TCF20: variants seen among roughly 807,000 people sequenced by gnomAD.
The protein encoded by TCF20 is transcription factor 20, also known as SPRE-binding protein.
TCF20 carries 3 observed loss-of-function variants against 148.6 expected under a neutral mutation model. The ratio of observed to expected loss-of-function variants is 0.02; its 90% CI spans 0.01 to 0.05. The LOEUF (loss-of-function observed/expected upper bound fraction) is 0.05, where lower values mean the gene tolerates loss of function less well. TCF20 is among the 10% of genes least tolerant of loss of function. The pLI, the probability that TCF20 is intolerant of heterozygous loss-of-function variation, is 1.00. For synonymous variants in TCF20, 1,049 were observed against 909.5 expected, an observed-to-expected ratio of 1.15 and a Z score of -2.76; for missense variants, 2,350 against 2,429.3, an observed-to-expected ratio of 0.97 and a Z score of 0.69.
At chr22:42,267,478 G>A (rs1179011703) in intron 1 of TCF20, among the ~76,000 whole-genome samples, 2 of 152,120 alleles carry the variant, frequency 1.3e-5, no homozygotes, top group African/African-American at 4.8e-5. Flanking sequence ...CAAGGCGGGT[G>A]GATCATGAGG....
chr22:42,305,068 G>A (rs915097216), intron 1 of TCF20, among the ~76,000 whole-genome samples: 6 of 151,958 alleles, frequency 3.9e-5, no homozygotes, highest in Admixed American at 1.3e-4. Context: ...CTCCCTGGTC[G>A]CCCATGGGAG....
At chr22:42,306,084 G>A (rs1169558739) in intron 1 of TCF20, among the ~76,000 whole-genome samples, 1 of 152,244 alleles carries the variant, frequency 6.6e-6, no homozygotes, top group Non-Finnish European at 1.5e-5. Flanking sequence ...CTCTGCGAGG[G>A]GGCACCGCAG....
intron 1 of TCF20, among the ~76,000 whole-genome samples, chr22:42,320,758 C>T (rs925246371): frequency 2.6e-5 from 4 of 152,220 alleles, no homozygotes; most frequent in African/African-American, 4.8e-5. Flanking sequence ...CATCCCAAGC[C>T]GGGAATCCCC....
intron 1 of TCF20, among the ~76,000 whole-genome samples, chr22:42,281,046 C>T (rs959109471): frequency 5.9e-5 from 9 of 152,076 alleles, no homozygotes; most frequent in Admixed American, 5.9e-4. Context: ...CTAGCCACCC[C>T]AGTCTCCCAC....
chr22:42,313,746 T>G (rs1927579105), intron 1 of TCF20, among the ~76,000 whole-genome samples: 1 of 152,020 alleles, frequency 6.6e-6, no homozygotes, highest in African/African-American at 2.4e-5. Flanking sequence ...ATTACACAAG[T>G]GTGCCACCAC....
upstream of TCF20, among the ~76,000 whole-genome samples, chr22:42,284,905 T>C (rs80080928): frequency 0.018 from 2,803 of 152,278 alleles, 95 homozygotes; most frequent in African/African-American, 0.064. Flanking sequence ...CCAGGAAGCA[T>C]TGGGACACAA....
intron 1 of TCF20, among the ~76,000 whole-genome samples, chr22:42,296,394 C>T (rs963500776): frequency 2.6e-5 from 4 of 152,250 alleles, no homozygotes; most frequent in African/African-American, 9.6e-5. Context: ...AAACCTGCAA[C>T]GGCGCCAACT....
Position 42,317,416 on chromosome 22 carries a change from G to A in TCF20, c.-37+26063C>T, listed in dbSNP as rs1265446046. Among the ~76,000 whole-genome samples, 2 of 152,142 alleles carry A rather than the reference G, an allele frequency of 1.3e-5. No individual in the cohort carries two copies. Among genetic ancestry groups the A allele is most frequent in the Non-Finnish European group, 2.9e-5 (2 of 68,028 alleles). On this transcript the variant is annotated intron_variant, in intron 1 of 1. Coordinates refer to the TCF20 transcript ENST00000515426. The surrounding 1 kb of genome is among the most constrained non-coding windows in gnomAD (Gnocchi z 4.2). Reference sequence around the variant, plus strand: ...GGGCGGCGCTGGGTGACGGAGCTTCGATTTAAACACAGATGACGGAAAATC... The same window carrying A: ...GGGCGGCGCTGGGTGACGGAGCTTCAATTTAAACACAGATGACGGAAAATC...
chr22:42,306,646 T>C (rs1276738983), intron 1 of TCF20, among the ~76,000 whole-genome samples: 2 of 152,070 alleles, frequency 1.3e-5, no homozygotes, highest in South Asian at 2.1e-4. Flanking sequence ...CTGTGCTGGG[T>C]GCCTTCGCCT....
intron 3 of TCF20, among the ~76,000 whole-genome samples, chr22:42,173,380 G>C (rs963744389): frequency 5.9e-5 from 9 of 151,996 alleles, no homozygotes; most frequent in Non-Finnish European, 1.2e-4. Context: ...AACATCAGGT[G>C]GGGGGGAAGG....
chr22:42,210,318 C>G lies in TCF20; in HGVS notation c.4988G>C (p.Gly1663Ala). 6.2e-7 allele frequency: 1 copy of G among 1,614,162 alleles called. No individual in the cohort carries two copies. Among genetic ancestry groups the G allele is most frequent in the Non-Finnish European group, 8.5e-7 (1 of 1,180,022 alleles). ...EEEEQTKLVR[G>A]RKGQRSLTPP... is the part of the protein sequence containing the mutation. ...GGTCAGTGACCTCTGACCCTTCCTG[C>G]CCCTCACTAATTTGGTCTGTTCTTC... The change falls in exon 2 of 6, where the codon GGC (glycine) becomes GCC (alanine). Residue 1663 changes from glycine to alanine, a missense_variant. Gly to Ala is a moderately conservative substitution (Grantham distance 60). Transcript: ENST00000677622. The surrounding 1 kb of genome is among the most constrained non-coding windows in gnomAD (Gnocchi z 4.7).
At chr22:42,229,018 CAA>C (rs1161362350) in intron 1 of TCF20, among the ~76,000 whole-genome samples, 2 of 152,108 alleles carry the variant, frequency 1.3e-5, no homozygotes, top group African/African-American at 4.8e-5. Flanking sequence ...TATGGCTGAA[CAA>C]AAAGATTTAA....
At chr22:42,170,613 C>T (rs930827763) in intron 3 of TCF20, among the ~76,000 whole-genome samples, 9 of 104,032 alleles carry the variant, frequency 8.7e-5, no homozygotes, top group African/African-American at 2.9e-4. Context: ...GGTGACAGAG[C>T]GAGACTCCGT....
At chr22:42,286,125 C>G (rs1441033177), upstream of TCF20, among the ~76,000 whole-genome samples, 3 of 152,196 alleles carry the variant, frequency 2.0e-5, no homozygotes, top group Non-Finnish European at 2.9e-5. Flanking sequence ...GACAGCGTAA[C>G]AGCAGTGTCC....
intron 1 of TCF20, among the ~76,000 whole-genome samples, chr22:42,241,381 A>G (rs1924386733): frequency 6.6e-6 from 1 of 152,226 alleles, no homozygotes. Context: ...AAAGAATTAT[A>G]TTTAGTATGT....
upstream of TCF20, among the ~76,000 whole-genome samples, chr22:42,272,809 C>T (rs146584794): frequency 8.0e-4 from 122 of 152,290 alleles, no homozygotes; most frequent in African/African-American, 2.7e-3. Context: ...TCTTGGACTG[C>T]GTGGCCTTGG....
chr22:42,160,887 C>CAA lies in TCF20; in HGVS notation c.*515_*516insTT, dbSNP rs976555116. On this transcript the variant is annotated 3_prime_UTR_variant, in exon 6 of 6. Coordinates refer to ENST00000677622, the MANE Select transcript of TCF20 (RefSeq NM_001378418.1). ...AGGCTAAAGATCAACGCCACACACA[C>CAA]ACCCCGTCCTTCATGAGATGAGGGT... 1.3e-5 allele frequency: 2 copies of CAA among 154,298 alleles called. No homozygotes were observed. Among genetic ancestry groups the CAA allele is most frequent in the African/African-American group, 4.8e-5 (2 of 41,462 alleles). The allele number at this position is 154,298 out of a possible 1,614,324, so 9.6% of individuals were successfully genotyped here.
rs879939851 is a variant in TCF20, at chr22:42,168,517, G to A, written c.*44+92C>T. 3.4e-6 allele frequency: 5 copies of A among 1,487,420 alleles called. No individual in the cohort carries two copies. In the South Asian group the frequency reaches 3.8e-5, roughly 11 times the overall value. 92.1% of individuals were successfully genotyped at this position (1,487,420 alleles called of 1,614,324 possible). A position where few individuals can be genotyped will look rare whatever the true frequency, so the allele number is the denominator to read the frequency against. On this transcript the variant is annotated intron_variant, in intron 5 of 5. Transcript: ENST00000677622. ...GTTGTCATCCACAGGATGAAATGCTGGTGGCAGAGCATAGAGCGAGCAGGA... is the reference window on the plus strand; with the variant it reads ...GTTGTCATCCACAGGATGAAATGCTAGTGGCAGAGCATAGAGCGAGCAGGA...
chr22:42,282,091 A>G (rs1467641907), intron 1 of TCF20, among the ~76,000 whole-genome samples: 1 of 152,198 alleles, frequency 6.6e-6, no homozygotes, highest in Non-Finnish European at 1.5e-5. Flanking sequence ...TTGACCAGAA[A>G]AGAGGAGGTG....
Sources: gnomAD v4.1 joint callset for allele counts (sites outside exome capture counted in the v4.1 genomes callset) on GRCh38, gnomAD v4.1.1 for gene constraint, Gnocchi (gnomAD v3.1) non-coding constraint, MANE v1.5 for transcripts, NCBI Gene and HGNC (gene_info 2026-07-23, HGNC 2026-07-21) for gene names.